The following TTC23 variants were observed in gnomAD, a reference collection of about 807,000 sequenced individuals.
TTC23 encodes the protein tetratricopeptide repeat domain 23, also known as tetratricopeptide repeat protein 23.
Under a neutral mutation model 55.1 loss-of-function variants are expected in TTC23, and 58 were observed. The ratio of observed to expected loss-of-function variants is 1.05; its 90% CI spans 0.85 to 1.31. The LOEUF (loss-of-function observed/expected upper bound fraction) is 1.31. Among genes scored for constraint, TTC23 ranks in the 50% most tolerant of loss-of-function variants. The pLI is 0.00. For synonymous variants in TTC23, 203 were observed against 199.9 expected (o/e 1.02, Z -0.13); for missense variants, 516 against 534.4 (o/e 0.97, Z 0.34).
At chr15:99,165,613 T>G (rs532788558) in intron 10 of TTC23, among the ~76,000 whole-genome samples, 21 of 152,018 alleles carry the variant, frequency 1.4e-4, no homozygotes, top group Admixed American at 8.5e-4. Flanking sequence ...AACCCTCTCT[T>G]TCAATGGGGC....
chr15:99,229,409 A>T (rs1215150238), intron 4 of TTC23, among the ~76,000 whole-genome samples: 2 of 152,232 alleles, frequency 1.3e-5, no homozygotes, highest in African/African-American at 2.4e-5. Flanking sequence ...TGAGAGAGCA[A>T]TTCCTGAGAG....
intron 4 of TTC23, among the ~76,000 whole-genome samples, chr15:99,229,705 A>C (rs763813357): frequency 4.6e-5 from 7 of 152,238 alleles, no homozygotes; most frequent in Admixed American, 4.6e-4. Flanking sequence ...TGGAGAAAGA[A>C]TCCTTCAATA....
intron 9 of TTC23, among the ~76,000 whole-genome samples, chr15:99,182,347 G>T (rs1424562595): frequency 6.6e-6 from 1 of 151,462 alleles, no homozygotes; most frequent in Non-Finnish European, 1.5e-5. Context: ...CCCATACTGG[G>T]CTCCAGCCAC....
At chr15:99,144,086 CT>C (rs1488718747) in intron 12 of TTC23, among the ~76,000 whole-genome samples, 2 of 152,206 alleles carry the variant, frequency 1.3e-5, no homozygotes, top group Non-Finnish European at 2.9e-5. Flanking sequence ...TCACTATTTG[CT>C]GCTTACTCTT....
At chr15:99,159,082 T>C (rs2071010076) in intron 11 of TTC23, 1 of 152,344 alleles carries the variant, frequency 6.6e-6, no homozygotes, top group Non-Finnish European at 1.5e-5. Context: ...AAAGAGCCAG[T>C]TTGCTAAAAT....
intron 9 of TTC23, among the ~76,000 whole-genome samples, chr15:99,192,946 T>C (rs778957274): frequency 6.6e-6 from 1 of 152,222 alleles, no homozygotes; most frequent in Admixed American, 6.5e-5. Context: ...ATGTGAGACA[T>C]GGAGTCACAG....
rs116986121 is a variant in TTC23, at chr15:99,240,806, G to T, written c.-114+559C>A. 2.5e-3 allele frequency among the ~76,000 whole-genome samples: 385 copies of T among 152,320 alleles called. 4 individuals are homozygous for T. The East Asian group carries it at 0.041, about 16-fold the overall frequency. On this transcript the variant is annotated intron_variant, in intron 3 of 13. Transcript: ENST00000394132. ...AATCTAAAGCACCACTGACTATAAA[G>T]ATGCTGCTTTTTTATACACCATTTG...
intron 2 of TTC23, among the ~76,000 whole-genome samples, chr15:99,244,726 T>C (rs2080094312): frequency 6.6e-6 from 1 of 152,178 alleles, no homozygotes; most frequent in African/African-American, 2.4e-5. Context: ...ATCGATTTAA[T>C]GTAATATCCA....
At chr15:99,241,159 C>T (rs938512667) in intron 3 of TTC23, among the ~76,000 whole-genome samples, 2 of 151,932 alleles carry the variant, frequency 1.3e-5, no homozygotes, top group Non-Finnish European at 2.9e-5. Flanking sequence ...TCTACTAATA[C>T]AAAAAATTAG....
chr15:99,171,409 G>A (rs1184976897), intron 10 of TTC23, among the ~76,000 whole-genome samples: 1 of 152,012 alleles, frequency 6.6e-6, no homozygotes, highest in Non-Finnish European at 1.5e-5. Context: ...TAAAATGGGA[G>A]GTCCTGTCCT....
At chr15:99,195,607 T>C (rs1460317381) in intron 9 of TTC23, among the ~76,000 whole-genome samples, 1 of 152,018 alleles carries the variant, frequency 6.6e-6, no homozygotes, top group African/African-American at 2.4e-5. Flanking sequence ...GCATGGAGGA[T>C]TTTTAGGGCA....
intron 5 of TTC23, among the ~76,000 whole-genome samples, chr15:99,225,153 C>A (rs1049730846): frequency 6.6e-6 from 1 of 152,152 alleles, no homozygotes; most frequent in South Asian, 2.1e-4. Context: ...TGATAATAGC[C>A]TTGGTTCTCA....
intron 8 of TTC23, among the ~76,000 whole-genome samples, chr15:99,214,752 T>C (rs902395929): frequency 2.6e-5 from 4 of 151,946 alleles, no homozygotes; most frequent in African/African-American, 9.7e-5. Flanking sequence ...CTAGTTTTCA[T>C]TTTCTGATAA....
chr15:99,186,751 G>A (rs1267067726), intron 9 of TTC23, among the ~76,000 whole-genome samples: 2 of 152,002 alleles, frequency 1.3e-5, no homozygotes, highest in Non-Finnish European at 2.9e-5. Context: ...ACCCAAAGAA[G>A]TATAAAGATT....
At chr15:99,155,032 A>G (rs1454520938) in intron 12 of TTC23, among the ~76,000 whole-genome samples, 1 of 152,248 alleles carries the variant, frequency 6.6e-6, no homozygotes, top group African/African-American at 2.4e-5. Flanking sequence ...ATTTGCAGAT[A>G]ATGTAATAGA....
intron 12 of TTC23, among the ~76,000 whole-genome samples, chr15:99,144,117 G>C (rs556243310): frequency 6.6e-6 from 1 of 152,316 alleles, no homozygotes; most frequent in East Asian, 1.9e-4. Flanking sequence ...TCGGAAAGCT[G>C]GGGTAGTTGA....
At chr15:99,222,597 A>C (rs954748474) in intron 5 of TTC23, among the ~76,000 whole-genome samples, 1 of 152,250 alleles carries the variant, frequency 6.6e-6, no homozygotes, top group Non-Finnish European at 1.5e-5. Context: ...AAGCAGCAAG[A>C]AGCACAGTTT....
chr15:99,243,376 A>G (rs554802216), intron 2 of TTC23, among the ~76,000 whole-genome samples: 1 of 152,320 alleles, frequency 6.6e-6, no homozygotes, highest in East Asian at 1.9e-4. Context: ...ACAAAGGGGG[A>G]CACTCATACA....
At chr15:99,249,671 T>C (rs1019326914), upstream of TTC23, 3 of 152,184 alleles carry the variant, frequency 2.0e-5, no homozygotes, top group South Asian at 4.1e-4. Flanking sequence ...AACCAATCTT[T>C]GGGAGCCAGA....
Sources: allele counts gnomAD v4.1 joint callset (sites outside exome capture counted in the v4.1 genomes callset), GRCh38; gene constraint gnomAD v4.1.1; transcripts MANE v1.5; gene names NCBI Gene and HGNC (gene_info 2026-07-23, HGNC 2026-07-21).